PTK2: variants seen among roughly 807,000 people sequenced by gnomAD.
The protein encoded by PTK2 is protein tyrosine kinase 2.
Under a neutral mutation model 150.1 loss-of-function variants are expected in PTK2, and 45 were observed. That is an observed-to-expected ratio of 0.30 (90% confidence interval 0.24 to 0.38). PTK2 has a LOEUF of 0.38. Ranked by LOEUF, PTK2 falls within the 10% of genes least tolerant of loss-of-function variation. The pLI is 1.00. For synonymous variants in PTK2, 432 were observed against 449.2 expected, an observed-to-expected ratio of 0.96 and a Z score of 0.48; for missense variants, 919 against 1,307.3, an observed-to-expected ratio of 0.70 and a Z score of 4.58.
At chr8:140,886,833 T>C (rs1196776460) in intron 3 of PTK2, among the ~76,000 whole-genome samples, 2 of 152,224 alleles carry the variant, frequency 1.3e-5, no homozygotes, top group African/African-American at 4.8e-5. Flanking sequence ...AAAAGTCTGG[T>C]GTAAACGTCA....
At chr8:140,675,935 G>T (rs932424208) in intron 27 of PTK2, among the ~76,000 whole-genome samples, 1 of 152,130 alleles carries the variant, frequency 6.6e-6, no homozygotes, top group African/African-American at 2.4e-5. Context: ...ACAAATCATT[G>T]TATCAAAAAG....
At chr8:140,712,195 T>C (rs1056614053) in intron 23 of PTK2, among the ~76,000 whole-genome samples, 5 of 141,388 alleles carry the variant, frequency 3.5e-5, no homozygotes, top group African/African-American at 1.3e-4. Flanking sequence ...CATCACATAC[T>C]AAAAAAAAAA....
At chr8:140,809,852 C>A (rs370355934) in intron 10 of PTK2, among the ~76,000 whole-genome samples, 4 of 152,180 alleles carry the variant, frequency 2.6e-5, no homozygotes, top group East Asian at 1.9e-4. Context: ...TAAACACCTG[C>A]CGTTTAAAAA....
chr8:140,935,702 C>CTTTTTTTTTTTTTTTTTTTTTTTT (rs34554819), intron 1 of PTK2, among the ~76,000 whole-genome samples: 1 of 123,860 alleles, frequency 8.1e-6, no homozygotes, highest in African/African-American at 3.0e-5. Context: ...ATGTCCTCAT[C>CTTTTTTTTTTTTTTTTTTTTTTTT]TTTTTTTTTT....
intron 2 of PTK2, among the ~76,000 whole-genome samples, chr8:140,919,464 T>C (rs951728070): frequency 6.6e-6 from 1 of 152,176 alleles, no homozygotes; most frequent in Non-Finnish European, 1.5e-5. Context: ...TAATTTAATA[T>C]TCTGTTGGTA....
intron 22 of PTK2, among the ~76,000 whole-genome samples, chr8:140,733,548 T>TG (rs1288488386): frequency 6.6e-6 from 1 of 151,950 alleles, no homozygotes; most frequent in Non-Finnish European, 1.5e-5. Flanking sequence ...AGAGGAACAA[T>TG]GCCAAGGACA....
intron 4 of PTK2, among the ~76,000 whole-genome samples, chr8:140,865,156 G>A (rs372170124): frequency 6.6e-6 from 1 of 152,156 alleles, no homozygotes; most frequent in Non-Finnish European, 1.5e-5. Context: ...CATTTCTTTG[G>A]TAAGTAATGA....
chr8:140,810,182 A>G (rs887721139), intron 10 of PTK2, among the ~76,000 whole-genome samples: 2 of 152,206 alleles, frequency 1.3e-5, no homozygotes, highest in South Asian at 4.1e-4. Flanking sequence ...CGGACACTTG[A>G]GGTGGCAGGG....
chr8:140,865,857 C>T (rs1442552870), intron 4 of PTK2, among the ~76,000 whole-genome samples: 1 of 152,188 alleles, frequency 6.6e-6, no homozygotes, highest in African/African-American at 2.4e-5. Context: ...AATCTCGGCT[C>T]ACTGCAACCT....
chr8:140,662,356 G>C (rs1294626403), intron 31 of PTK2, among the ~76,000 whole-genome samples: 2 of 151,986 alleles, frequency 1.3e-5, no homozygotes, highest in Non-Finnish European at 2.9e-5. Context: ...TTGTGTATTG[G>C]AATCAGGGGA....
At chr8:140,977,204 A>G (rs1486907522) in intron 1 of PTK2, among the ~76,000 whole-genome samples, 1 of 152,214 alleles carries the variant, frequency 6.6e-6, no homozygotes, top group Non-Finnish European at 1.5e-5. Flanking sequence ...AAGTTTGGCA[A>G]CATAGTGGGA....
intron 2 of PTK2, among the ~76,000 whole-genome samples, chr8:140,908,633 C>T (rs985107343): frequency 2.0e-5 from 3 of 152,104 alleles, no homozygotes; most frequent in African/African-American, 7.2e-5. Flanking sequence ...AATCCTAAGG[C>T]CCTTAAGAAT....
chr8:140,931,759 A>G (rs2100171870), intron 1 of PTK2, among the ~76,000 whole-genome samples: 1 of 151,420 alleles, frequency 6.6e-6, no homozygotes, highest in South Asian at 2.1e-4. Flanking sequence ...ACATAGTGAG[A>G]CCCCCATCTC....
chr8:140,853,355 G>A (rs143371097), intron 5 of PTK2, among the ~76,000 whole-genome samples: 1,954 of 82,052 alleles, frequency 0.024, 71 homozygotes, highest in African/African-American at 0.096. Flanking sequence ...CCCACCCCAC[G>A]ACAGGCCCCA....
chr8:140,866,229 G>A (rs1226293140), intron 4 of PTK2, among the ~76,000 whole-genome samples: 1 of 152,134 alleles, frequency 6.6e-6, no homozygotes, highest in Non-Finnish European at 1.5e-5. Flanking sequence ...GGAGGCTTTT[G>A]GTATTAATGG....
At chr8:140,993,836 C>A (rs1404351768) in intron 1 of PTK2, among the ~76,000 whole-genome samples, 1 of 152,056 alleles carries the variant, frequency 6.6e-6, no homozygotes, top group Non-Finnish European at 1.5e-5. Context: ...CTCAAGTGAT[C>A]CTCCCACCTC....
At chr8:140,813,117 A>C (rs1448483526) in intron 10 of PTK2, among the ~76,000 whole-genome samples, 1 of 152,230 alleles carries the variant, frequency 6.6e-6, no homozygotes, top group Non-Finnish European at 1.5e-5. Flanking sequence ...TCTAAAATCA[A>C]TTATATAATT....
At chr8:140,659,793 A>C (rs1418704171) in intron 31 of PTK2, 115 bp from the exon 36 acceptor site, 1 of 895,006 alleles carries the variant, frequency 1.1e-6, no homozygotes, top group Admixed American at 2.6e-5. Context: ...GGGCTCAAGG[A>C]ATCTTCCTGC....
chr8:140,967,476 TTTG>T lies in PTK2; in HGVS notation c.-122+33646_-122+33648del, dbSNP rs2100185716. Among the ~76,000 whole-genome samples the T allele has an allele frequency of 2.7e-5, 4 of 150,586 alleles. No homozygotes were observed. The South Asian group carries it at 8.4e-4, about 32-fold the overall frequency. On this transcript the variant is annotated intron_variant, in intron 1 of 31. Transcript: ENST00000522684. ...TTCTTTCTTTCTTTTTTTTTTTTTTTTTGAGACGGAGTCTCTCTCTGTCATGCA... is the reference window on the plus strand; with the variant it reads ...TTCTTTCTTTCTTTTTTTTTTTTTTTAGACGGAGTCTCTCTCTGTCATGCA...
Sources: gnomAD v4.1 joint callset for allele counts (sites outside exome capture counted in the v4.1 genomes callset) on GRCh38, gnomAD v4.1.1 for gene constraint, MANE v1.5 for transcripts, NCBI Gene and HGNC (gene_info 2026-07-23, HGNC 2026-07-21) for gene names.